ATP2B1: variants seen among roughly 807,000 people sequenced by gnomAD.
ATP2B1 encodes plasma membrane calcium-transporting ATPase 1.
A neutral mutation model predicts 124.2 loss-of-function variants in ATP2B1; 14 were observed. The ratio of observed to expected loss-of-function variants is 0.11; its 90% CI spans 0.07 to 0.18. The LOEUF (loss-of-function observed/expected upper bound fraction) is 0.18. Among genes scored for constraint, ATP2B1 ranks in the 10% least tolerant of loss-of-function variants. The probability of loss-of-function intolerance (pLI) is 1.00; values close to 1 mark genes in which losing one functional copy is unlikely to be tolerated. For synonymous variants in ATP2B1, 449 were observed against 492.4 expected (o/e 0.91, Z 1.17); for missense variants, 763 against 1,466.1 (o/e 0.52, Z 7.83).
At chr12:89,607,343 C>CCT (rs1877114476) in intron 15 of ATP2B1, among the ~76,000 whole-genome samples, 2 of 152,124 alleles carry the variant, frequency 1.3e-5, no homozygotes, top group African/African-American at 4.8e-5. Context: ...CCTCTTGGTT[C>CCT]CTCTCCTTCC....
chr12:89,634,788 T>G lies in ATP2B1; in HGVS notation c.777A>C (p.Leu259Phe). 1 of 1,594,434 alleles carries G rather than the reference T, an allele frequency of 6.3e-7. No homozygotes were observed. Among genetic ancestry groups the G allele is most frequent in the Non-Finnish European group, 8.5e-7 (1 of 1,172,936 alleles). The change falls in exon 5 of 21, where the codon TTA becomes TTC. Residue 259 changes from leucine (L) to phenylalanine (F), a missense_variant. Around this residue, in one of 7 missense-constraint regions of ATP2B1, gnomAD observed 392 missense variants for 776.6 expected, o/e 0.50. Transcript: ENST00000428670. ...HVKKSLDKDP[L>F]LLSGTHVMEG... is the part of the protein sequence containing the mutation. The stretch of plus-strand genomic sequence containing the variant: ...AAATGAAATTTTTACCTGATAGAAG[T>G]AAGGGATCCTTATCTAAAGACTTTT...
rs1184013619 is a variant in ATP2B1, at chr12:89,591,380, C to A, written c.3352-85G>T. 4 of 1,194,580 alleles carry A rather than the reference C, an allele frequency of 3.3e-6. No individual in the cohort carries two copies. In the African/African-American group the frequency reaches 4.6e-5, roughly 14 times the overall value. 74.0% of individuals were successfully genotyped at this position (1,194,580 alleles called of 1,614,324 possible). A position where few individuals can be genotyped will look rare whatever the true frequency, so the allele number is the denominator to read the frequency against. On this transcript the variant is annotated intron_variant, in intron 20 of 20. Coordinates refer to ENST00000428670, the MANE Select transcript of ATP2B1 (RefSeq NM_001366521.1). ...TCATTTATGAGTTTGAATCCACAAA[C>A]AGCTAGGTATGAGTGAATCATATTT...
intron 20 of ATP2B1, among the ~76,000 whole-genome samples, chr12:89,592,785 G>A (rs1417830871): frequency 6.6e-6 from 1 of 152,020 alleles, no homozygotes; most frequent in Non-Finnish European, 1.5e-5. Flanking sequence ...ACAATGTTAG[G>A]TCACAAGTAT....
intron 1 of ATP2B1, among the ~76,000 whole-genome samples, chr12:89,661,378 T>C (rs1333429660): frequency 1.3e-5 from 2 of 152,154 alleles, no homozygotes; most frequent in East Asian, 1.9e-4. Flanking sequence ...AATTCTAGAA[T>C]TTAACAGCTA....
chr12:89,672,359 TAGA>T (rs1004155377), intron 1 of ATP2B1, among the ~76,000 whole-genome samples: 3 of 150,570 alleles, frequency 2.0e-5, no homozygotes, highest in Non-Finnish European at 3.0e-5. Flanking sequence ...GAGGCTGAGG[TAGA>T]AGGATTGCTT....
intron 1 of ATP2B1, among the ~76,000 whole-genome samples, chr12:89,670,743 CA>C (rs146068655): frequency 1.3e-5 from 2 of 151,686 alleles, no homozygotes; most frequent in African/African-American, 2.4e-5. Flanking sequence ...GCTTAACAAT[CA>C]AAAAAATTAA....
At chr12:89,663,883 A>G (rs1886989502) in intron 1 of ATP2B1, among the ~76,000 whole-genome samples, 1 of 5,772 alleles carries the variant, frequency 1.7e-4, no homozygotes, top group African/African-American at 2.5e-4. Flanking sequence ...TTCACTTTCC[A>G]CTGTCCTTTT....
At chr12:89,661,074 C>T (rs1351914784) in intron 1 of ATP2B1, among the ~76,000 whole-genome samples, 2 of 152,060 alleles carry the variant, frequency 1.3e-5, no homozygotes, top group Non-Finnish European at 2.9e-5. Flanking sequence ...GATAAAGACA[C>T]TTTATTTTCA....
At chr12:89,648,104 G>C (rs1884747106) in intron 2 of ATP2B1, among the ~76,000 whole-genome samples, 1 of 152,168 alleles carries the variant, frequency 6.6e-6, no homozygotes. Flanking sequence ...AACACACACA[G>C]AAAATTGGTA....
intron 3 of ATP2B1, among the ~76,000 whole-genome samples, chr12:89,640,201 G>C (rs1327570067): frequency 6.6e-6 from 1 of 152,016 alleles, no homozygotes; most frequent in Non-Finnish European, 1.5e-5. Flanking sequence ...TATTTCCTTT[G>C]GACTGTCTTC....
chr12:89,662,951 T>G (rs1886878039), intron 1 of ATP2B1, among the ~76,000 whole-genome samples: 1 of 152,202 alleles, frequency 6.6e-6, no homozygotes, highest in South Asian at 2.1e-4. Flanking sequence ...TGTTCTTCTA[T>G]TATAGCCTTT....
At chr12:89,598,470 G>T in intron 20 of ATP2B1, 1 of 1,232,378 alleles carries the variant, frequency 8.1e-7, no homozygotes, top group Non-Finnish European at 1.1e-6. Flanking sequence ...TCCACTTTAC[G>T]AAAAGAAAGC....
chr12:89,612,904 A>C (rs749225486), intron 12 of ATP2B1, among the ~76,000 whole-genome samples: 3 of 152,206 alleles, frequency 2.0e-5, no homozygotes, highest in Non-Finnish European at 2.9e-5. Context: ...ACTGGAGCTA[A>C]GTATTTACTG....
intron 1 of ATP2B1, among the ~76,000 whole-genome samples, chr12:89,679,441 T>A (rs1889072954): frequency 6.6e-6 from 1 of 152,176 alleles, no homozygotes; most frequent in Non-Finnish European, 1.5e-5. Flanking sequence ...GACCAAGACT[T>A]AATCTTGATT....
At chr12:89,687,224 C>G (rs1227886157) in intron 1 of ATP2B1, among the ~76,000 whole-genome samples, 1 of 152,054 alleles carries the variant, frequency 6.6e-6, no homozygotes, top group African/African-American at 2.4e-5. Context: ...GATTATAATA[C>G]CAATTTTTAC....
intron 2 of ATP2B1, among the ~76,000 whole-genome samples, chr12:89,651,957 A>G (rs1398767709): frequency 6.6e-6 from 1 of 152,234 alleles, no homozygotes; most frequent in African/African-American, 2.4e-5. Flanking sequence ...TACCCATCAT[A>G]AGGATAGCCT....
At chr12:89,666,537 A>G (rs1887337483) in intron 1 of ATP2B1, among the ~76,000 whole-genome samples, 1 of 152,168 alleles carries the variant, frequency 6.6e-6, no homozygotes, top group African/African-American at 2.4e-5. Context: ...TCTGATCAAC[A>G]CTTGCCTCCC....
chr12:89,611,951 GT>G (rs1409935515), intron 12 of ATP2B1: 2 of 152,098 alleles, frequency 1.3e-5, no homozygotes, highest in African/African-American at 4.8e-5. Flanking sequence ...GTGAAACCAT[GT>G]TTCCTTTACC....
chr12:89,621,644 T>C lies in ATP2B1; in HGVS notation c.1492A>G (p.Lys498Glu), dbSNP rs1879979844. The change falls in exon 10 of 21, where the codon AAA becomes GAA. Residue 498 changes from lysine to glutamate, a missense_variant. Lys to Glu is a moderately conservative substitution (Grantham distance 56). Transcript: ENST00000428670. The stretch of plus-strand genomic sequence containing the variant: ...ATAGCTTCTGGTTCAGGAACCTTTT[T>C]ATAATGTTTTTCATTTATGTAAGCT... ...VQAYINEKHY[K>E]KVPEPEAIPP... 3 of 1,612,026 alleles carry C rather than the reference T, an allele frequency of 1.9e-6. No homozygotes were observed. The highest frequency in any genetic ancestry group is 2.2e-5 in the East Asian group (1 of 44,730).
Sources: allele counts gnomAD v4.1 joint callset (sites outside exome capture counted in the v4.1 genomes callset), GRCh38; gene constraint gnomAD v4.1.1; regional missense constraint gnomAD v4.1.1; transcripts MANE v1.5; gene names NCBI Gene and HGNC (gene_info 2026-07-23, HGNC 2026-07-21).